SPAG17: variants seen among roughly 807,000 people sequenced by gnomAD.
The protein encoded by SPAG17 is sperm associated antigen 17.
In SPAG17, 169 loss-of-function variants were observed where a neutral mutation model predicts 273.6. The observed-to-expected ratio is 0.62, with a 90% CI of 0.55 to 0.70. The LOEUF is 0.70. Ranked by LOEUF, SPAG17 falls within the 30% of genes least tolerant of loss-of-function variation. SPAG17 has a pLI of 0.00. For synonymous variants in SPAG17, 825 were observed against 873.2 expected, an observed-to-expected ratio of 0.94 and a Z score of 0.97; for missense variants, 2,557 against 2,627.8, an observed-to-expected ratio of 0.97 and a Z score of 0.59.
intron 43 of SPAG17, 130 bp downstream of exon 43, chr1:117,981,140 C>A: frequency 1.1e-6 from 1 of 939,088 alleles, no homozygotes; most frequent in Non-Finnish European, 1.5e-6. Context: ...AGCTGCATAG[C>A]TCCAGGATCC....
chr1:117,956,932 T>C (rs1652287627), intron 48 of SPAG17: 1 of 647,962 alleles, frequency 1.5e-6, no homozygotes, highest in Non-Finnish European at 2.4e-6. Context: ...AGCTTACAGA[T>C]GAATATTTAA....
At chr1:118,058,762 T>C (rs1396760498) in intron 18 of SPAG17, among the ~76,000 whole-genome samples, 1 of 152,226 alleles carries the variant, frequency 6.6e-6, no homozygotes, top group Non-Finnish European at 1.5e-5. Context: ...ATAAAATGAT[T>C]GGGAAAGTTA....
At chr1:118,084,678 C>T (rs1395686614) in intron 13 of SPAG17, among the ~76,000 whole-genome samples, 1 of 152,182 alleles carries the variant, frequency 6.6e-6, no homozygotes, top group African/African-American at 2.4e-5. Flanking sequence ...ATCTGTGTAT[C>T]TCTAGGTGCA....
At chr1:118,091,905 C>T (rs1655399311) in intron 9 of SPAG17, 25 bp downstream of exon 9, 1 of 1,612,236 alleles carries the variant, frequency 6.2e-7, no homozygotes, top group Non-Finnish European at 8.5e-7. Flanking sequence ...GGTGTTGATC[C>T]TCCAGCAGCC....
intron 3 of SPAG17, among the ~76,000 whole-genome samples, chr1:118,130,588 T>A (rs1204266461): frequency 6.6e-6 from 1 of 152,178 alleles, no homozygotes; most frequent in East Asian, 1.9e-4. Context: ...ATGGCATTAG[T>A]TAACTCCATC....
intron 1 of SPAG17, among the ~76,000 whole-genome samples, chr1:118,160,498 T>C (rs968313847): frequency 6.6e-6 from 1 of 152,240 alleles, no homozygotes; most frequent in African/African-American, 2.4e-5. Flanking sequence ...TGCTGTTGCT[T>C]GGTTAATTCA....
At chr1:118,124,870 G>A (rs756107644) in intron 3 of SPAG17, among the ~76,000 whole-genome samples, 18 of 152,112 alleles carry the variant, frequency 1.2e-4, no homozygotes, top group Non-Finnish European at 2.6e-4. Flanking sequence ...CCTCACAGTG[G>A]GCCTTTTCAC....
chr1:117,997,566 T>TAAAAAAAAAAAA (rs11428560), intron 32 of SPAG17, among the ~76,000 whole-genome samples: 2 of 123,342 alleles, frequency 1.6e-5, no homozygotes, highest in East Asian at 2.3e-4. Context: ...GAATGAGAAG[T>TAAAAAAAAAAAA]AAAAAAAAAA....
At chr1:117,964,015 C>T in intron 47 of SPAG17, 77 bp from the exon 48 acceptor site, 1 of 1,483,122 alleles carries the variant, frequency 6.7e-7, no homozygotes, top group Non-Finnish European at 9.1e-7. Flanking sequence ...ATTTTAGAAT[C>T]ATAGAATTTC....
intron 35 of SPAG17, among the ~76,000 whole-genome samples, chr1:117,994,152 G>A (rs1165413410): frequency 1.3e-5 from 2 of 152,138 alleles, no homozygotes; most frequent in African/African-American, 4.8e-5. Flanking sequence ...GCATATTATA[G>A]GAAGATGTTC....
chr1:117,961,912 A>G (rs913633999), intron 48 of SPAG17: 1 of 152,280 alleles, frequency 6.6e-6, no homozygotes, highest in Non-Finnish European at 1.5e-5. Flanking sequence ...AATTCTTGAA[A>G]AAAAATTTAA....
intron 5 of SPAG17, among the ~76,000 whole-genome samples, chr1:118,100,037 G>GT (rs1491116357): frequency 6.6e-6 from 1 of 152,178 alleles, no homozygotes; most frequent in African/African-American, 2.4e-5. Flanking sequence ...CGACATAGGC[G>GT]TAATAGAAGG....
intron 1 of SPAG17, among the ~76,000 whole-genome samples, chr1:118,165,424 C>CT (rs2102380606): frequency 6.6e-6 from 1 of 152,132 alleles, no homozygotes; most frequent in South Asian, 2.1e-4. Flanking sequence ...CCTTGATTTC[C>CT]TTGGCATGAG....
At chr1:118,103,750 A>T (rs1656214108) in intron 4 of SPAG17, among the ~76,000 whole-genome samples, 1 of 152,128 alleles carries the variant, frequency 6.6e-6, no homozygotes, top group African/African-American at 2.4e-5. Flanking sequence ...ACACTTTCAT[A>T]AGTAGGTGAT....
intron 20 of SPAG17, among the ~76,000 whole-genome samples, chr1:118,043,630 C>G (rs146130566): frequency 3.3e-4 from 51 of 152,264 alleles, no homozygotes; most frequent in African/African-American, 1.2e-3. Context: ...ATGGTAGCTT[C>G]AAATCAGCTA....
intron 4 of SPAG17, among the ~76,000 whole-genome samples, chr1:118,107,312 T>G (rs1261252242): frequency 3.3e-5 from 5 of 152,114 alleles, no homozygotes; most frequent in Non-Finnish European, 5.9e-5. Flanking sequence ...GATGCCCTTT[T>G]CTTTCTCCAG....
At chr1:118,048,518 T>G (rs1160485895) in intron 20 of SPAG17, among the ~76,000 whole-genome samples, 1 of 152,188 alleles carries the variant, frequency 6.6e-6, no homozygotes, top group Non-Finnish European at 1.5e-5. Flanking sequence ...ATGAACAAAC[T>G]TTTAGCTAAA....
rs759026411 is a variant in SPAG17, at chr1:117,973,504, G to A, written c.6062C>T (p.Ala2021Val). The change falls in exon 44 of 49, where the codon GCG becomes GTG. Residue 2021 changes from alanine (A) to valine (V), a missense_variant. Transcript: ENST00000336338. ...IPTQSLLQDV[A>V]GQTRKEKVKL... is the part of the protein sequence containing the mutation. ...CACTTTTTCTTTTCTTGTTTGTCCCGCAACATCCTGCAGCAAGGACTGGGT... is the reference window on the plus strand; with the variant it reads ...CACTTTTTCTTTTCTTGTTTGTCCCACAACATCCTGCAGCAAGGACTGGGT... 1.2e-4 allele frequency: 187 copies of A among 1,613,756 alleles called. 1 individual carries two copies. In the Middle Eastern group the frequency reaches 1.3e-3, roughly 11 times the overall value.
intron 3 of SPAG17, among the ~76,000 whole-genome samples, chr1:118,127,061 G>A (rs1657777273): frequency 6.6e-6 from 1 of 152,118 alleles, no homozygotes; most frequent in African/African-American, 2.4e-5. Flanking sequence ...TTTAATACCA[G>A]TACCATGCTA....
Sources: gnomAD v4.1 joint callset for allele counts (sites outside exome capture counted in the v4.1 genomes callset) on GRCh38, gnomAD v4.1.1 for gene constraint, MANE v1.5 for transcripts, NCBI Gene and HGNC (gene_info 2026-07-23, HGNC 2026-07-21) for gene names.